Variants in THBS1 observed in about 807,000 individuals in gnomAD.
The protein encoded by THBS1 is thrombospondin 1.
In THBS1, 29 loss-of-function variants were observed where a neutral mutation model predicts 126.1. The ratio of observed to expected loss-of-function variants is 0.23; its 90% CI spans 0.17 to 0.31. The LOEUF is 0.31. Ranked by LOEUF, THBS1 falls within the 10% of genes least tolerant of loss-of-function variation. THBS1 has a pLI of 1.00. For synonymous variants in THBS1, 496 were observed against 577.8 expected (o/e 0.86, Z 2.03); for missense variants, 1,198 against 1,545.2 (o/e 0.78, Z 3.77).
rs769879406 is a variant in THBS1, at chr15:39,582,717, C to T, written c.592C>T (p.Arg198Cys). The T allele has an allele frequency of 4.3e-5, 69 of 1,612,840 alleles. No individual in the cohort carries two copies. Among genetic ancestry groups the T allele is most frequent in the Middle Eastern group, 1.6e-4 (1 of 6,078 alleles). The change falls in exon 3 of 22, where the codon CGC becomes TGC. Residue 198 changes from arginine to cysteine, a missense_variant. Physicochemically the swap from Arg to Cys is radical, Grantham distance 180. Coordinates refer to ENST00000260356, the MANE Select transcript of THBS1 (RefSeq NM_003246.4). ...TRDLASIARL[R>C]IAKGGVNDNF... ...AGACCTGGCCAGCATCGCCAGACTC[C>T]GCATCGCAAAGGGGGGCGTCAATGA...
At position 39,593,449 on chromosome 15, in the gene THBS1, C is replaced by T. The variant is rs766425737; in HGVS notation, c.3048C>T (p.Thr1016=). ...VDFSGTFFIN[T]ERDDDYAGFV... is the part of the protein sequence containing the mutation. The stretch of plus-strand genomic sequence containing the variant: ...TCAGTGGCACCTTCTTCATCAACAC[C>T]GAAAGGGACGATGACTATGCTGGAT... Residue 1016 remains threonine (T), a synonymous_variant, in exon 19 of 22, where the codon ACC becomes ACT. Transcript: ENST00000260356. The surrounding 1 kb of genome is among the most constrained non-coding windows in gnomAD (Gnocchi z 5.9). The T allele has an allele frequency of 9.3e-6, 15 of 1,613,978 alleles. No individual in the cohort carries two copies. Among genetic ancestry groups the T allele is most frequent in the African/African-American group, 8.0e-5 (6 of 74,890 alleles).
At chr15:39,581,633 C>T (rs1325166555) in intron 1 of THBS1, 196 bp from the exon 2 acceptor site, 4 of 451,610 alleles carry the variant, frequency 8.9e-6, no homozygotes, top group South Asian at 3.7e-5. Context: ...GCATCTCTTT[C>T]CTCCACCTCT....
rs569168846 is a variant in THBS1, at chr15:39,590,868, A to G, written c.2253+245A>G. Reference sequence around the variant, plus strand: ...CTGTACTTGAGAAATTATAATGCATAAACAAATGCCACTTTGTTCCCTAGA... The same window carrying G: ...CTGTACTTGAGAAATTATAATGCATGAACAAATGCCACTTTGTTCCCTAGA... On this transcript the variant is annotated intron_variant, in intron 14 of 21. Coordinates refer to ENST00000260356, the MANE Select transcript of THBS1 (RefSeq NM_003246.4). The G allele has an allele frequency of 8.1e-5, 44 of 542,102 alleles. No individual in the cohort carries two copies. The East Asian group carries it at 1.4e-3, about 18-fold the overall frequency. 33.6% of individuals were successfully genotyped at this position (542,102 alleles called of 1,614,324 possible).
Position 39,582,308 on chromosome 15 carries a change from C to G in THBS1, c.183C>G (p.Ile61Met). The G allele has an allele frequency of 6.2e-7, 1 of 1,614,236 alleles. No homozygotes were observed. The highest frequency in any genetic ancestry group is 8.5e-7 in the Non-Finnish European group (1 of 1,180,038). ...ACCCTTCCAGCCCAGCTTTCCGCAT[C>G]GAGGATGCCAACCTGATCCCCCCTG... Reference protein sequence around the residue: ...GPDPSSPAFRIEDANLIPPVP... With the variant: ...GPDPSSPAFRMEDANLIPPVP... Residue 61 changes from isoleucine to methionine, a missense_variant, in exon 3 of 22, where the codon ATC (isoleucine) becomes ATG (methionine). Ile to Met is a conservative substitution (Grantham distance 10). Transcript: ENST00000260356.
rs1890496410 is a variant in THBS1 at position 39,597,510 on chromosome 15, C to CA, written c.*2142dup. The stretch of plus-strand genomic sequence containing the variant: ...TATTTGTTCTCTACTGGCTTTATGT[C>CA]ATGAAGTATATGCGTAAATACCATT... On this transcript the variant is annotated 3_prime_UTR_variant, in exon 22 of 22. Transcript: ENST00000260356. 1 of 151,888 alleles carries CA rather than the reference C, an allele frequency of 6.6e-6. No homozygotes were observed. The highest frequency in any genetic ancestry group is 2.1e-4 in the South Asian group (1 of 4,820). 9.4% of individuals were successfully genotyped at this position (151,888 alleles called of 1,614,324 possible). A position where few individuals can be genotyped will look rare whatever the true frequency, so the allele number is the denominator to read the frequency against.
In THBS1 at chr15:39,582,174, G is replaced by C; in HGVS notation, c.68-19G>C. 6.4e-7 allele frequency: 1 copy of C among 1,570,312 alleles called. No individual in the cohort carries two copies. Among genetic ancestry groups the C allele is most frequent in the East Asian group, 2.2e-5 (1 of 44,510 alleles). ...TCCCAGCCTAGAAAGCTCACTTTGT[G>C]TTCTCTCCTGTCTAACAGAGTCTGG... is the stretch of plus-strand genomic sequence containing the variant. On this transcript the variant is annotated intron_variant, in intron 2 of 21. Coordinates refer to ENST00000260356, the MANE Select transcript of THBS1 (RefSeq NM_003246.4).
In THBS1 at chr15:39,582,732, G is replaced by A; in HGVS notation, c.607G>A (p.Gly203Ser). 6.2e-7 allele frequency: 1 copy of A among 1,610,738 alleles called. No homozygotes were observed. Among genetic ancestry groups the A allele is most frequent in the Non-Finnish European group, 8.5e-7 (1 of 1,178,752 alleles). ...CGCCAGACTCCGCATCGCAAAGGGG[G>A]GCGTCAATGACAATTTCCAGGTGAG... ...SIARLRIAKG[G>S]VNDNFQGVLQ... The change falls in exon 3 of 22, where the codon GGC becomes AGC. Residue 203 changes from glycine (G) to serine (S), a missense_variant. Transcript: ENST00000260356.
chr15:39,595,543 T>G lies in THBS1; in HGVS notation c.*174T>G. 1 of 748,582 alleles carries G rather than the reference T, an allele frequency of 1.3e-6. No homozygotes were observed. Among genetic ancestry groups the G allele is most frequent in the South Asian group, 1.8e-5 (1 of 54,396 alleles). The allele number at this position is 748,582 out of a possible 1,614,324, so 46.4% of individuals were successfully genotyped here. On this transcript the variant is annotated 3_prime_UTR_variant, in exon 22 of 22. Transcript: ENST00000260356. ...GACCTGCCTCAAGAAAATGCAGTTTTCAAAAACAGACTCAGCATTCAGCCT... is the reference window on the plus strand; with the variant it reads ...GACCTGCCTCAAGAAAATGCAGTTTGCAAAAACAGACTCAGCATTCAGCCT...
Position 39,588,167 on chromosome 15 carries a change from T to C in THBS1, c.1420T>C (p.Cys474Arg). 1 of 1,614,136 alleles carries C rather than the reference T, an allele frequency of 6.2e-7. No homozygotes were observed. The highest frequency in any genetic ancestry group is 1.1e-5 in the South Asian group (1 of 91,078). The change falls in exon 9 of 22, where the codon TGT becomes CGT. Residue 474 changes from cysteine to arginine, a missense_variant. Physicochemically the swap from Cys to Arg is radical, Grantham distance 180 (BLOSUM62 -3). Coordinates refer to ENST00000260356, the MANE Select transcript of THBS1 (RefSeq NM_003246.4). Reference protein sequence around the residue: ...SPSPQMNGKPCEGEARETKAC... With the variant: ...SPSPQMNGKPREGEARETKAC... ...CAGCCCCCAGATGAACGGGAAACCCTGTGAAGGCGAAGCGCGGGAGACCAA... is the reference window on the plus strand; with the variant it reads ...CAGCCCCCAGATGAACGGGAAACCCCGTGAAGGCGAAGCGCGGGAGACCAA...
Position 39,595,914 on chromosome 15 carries a change from G to A in THBS1, c.*545G>A, listed in dbSNP as rs1242994325. The A allele has an allele frequency of 2.2e-6, 1 of 452,538 alleles. No homozygotes were observed. The highest frequency in any genetic ancestry group is 2.4e-5 in the Admixed American group (1 of 42,484). The allele number at this position is 452,538 out of a possible 1,614,324, so 28.0% of individuals were successfully genotyped here. On this transcript the variant is annotated 3_prime_UTR_variant, in exon 22 of 22. Transcript: ENST00000260356. Reference sequence around the variant, plus strand: ...GTTCGGTACTAAGTCATTTTCAGGGGATTGAAAGACTATTGCTGGATTTCA... The same window carrying A: ...GTTCGGTACTAAGTCATTTTCAGGGAATTGAAAGACTATTGCTGGATTTCA...
chr15:39,594,206 T>C lies in THBS1; in HGVS notation c.3365+10T>C. 6.2e-7 allele frequency: 1 copy of C among 1,614,172 alleles called. No individual in the cohort carries two copies. The highest frequency in any genetic ancestry group is 1.3e-5 in the African/African-American group (1 of 75,062). On this transcript the variant is annotated intron_variant, in intron 20 of 21. Transcript: ENST00000260356. This position sits in a 1 kb window ranked among gnomAD's most constrained non-coding sequence, Gnocchi z 4.4. ...AGACGGGTTTCATTAGGTACGATCA[T>C]ACTGATTCACTTTCACTTACAGTCA...
In THBS1 at chr15:39,589,243, G is replaced by A. The variant is rs1044338565; in HGVS notation, c.1815G>A (p.Glu605=). 5 of 1,614,152 alleles carry A rather than the reference G, an allele frequency of 3.1e-6. No individual in the cohort carries two copies. Among genetic ancestry groups the A allele is most frequent in the Non-Finnish European group, 4.2e-6 (5 of 1,180,038 alleles). Residue 605 remains glutamate (E), a synonymous_variant, in exon 12 of 22, where the codon GAG becomes GAA. Coordinates refer to ENST00000260356, the MANE Select transcript of THBS1 (RefSeq NM_003246.4). The surrounding 1 kb of genome is among the most constrained non-coding windows in gnomAD (Gnocchi z 4.7). ...ATGCCTGCTTCAACCACAATGGAGA[G>A]CACCGGTGTGAGAACACGGACCCCG... ...VPDACFNHNG[E]HRCENTDPGY...
chr15:39,590,109 T>A, intron 13 of THBS1, 86 bp downstream of exon 13: 1 of 1,209,858 alleles, frequency 8.3e-7, no homozygotes, highest in Non-Finnish European at 1.1e-6. Flanking sequence ...ATACTTAAAG[T>A]TTGGACATGA....
intron 14 of THBS1, 171 bp from the exon 15 acceptor site, chr15:39,591,020 G>T: frequency 1.4e-6 from 1 of 710,286 alleles, no homozygotes; most frequent in Non-Finnish European, 2.2e-6. Context: ...TTTTAACTAT[G>T]TCCTTTTAAC....
chr15:39,590,720 T>C (rs900794092), intron 14 of THBS1, 97 bp downstream of exon 14: 1 of 893,762 alleles, frequency 1.1e-6, no homozygotes, highest in African/African-American at 1.7e-5. Flanking sequence ...TAGCAAAAAA[T>C]ATACCAAATC....
In THBS1 at chr15:39,581,667, T is replaced by TCTCTCTCTCTCTCTCTCTCTCTCTCC. The variant is rs1566837906; in HGVS notation, c.-29-161_-29-160insTCTCTCTCTCTCTCTCTCTCTCTCCC. ...CTCTCTCTCTCTCTCTCTCTCTCTC[T>TCTCTCTCTCTCTCTCTCTCTCTCTCC]CATGCTCTCTGGAAAGTAATCCTGT... On this transcript the variant is annotated intron_variant, in intron 1 of 21. Coordinates refer to ENST00000260356, the MANE Select transcript of THBS1 (RefSeq NM_003246.4). The TCTCTCTCTCTCTCTCTCTCTCTCTCC allele has an allele frequency of 2.3e-5, 12 of 521,370 alleles. No individual in the cohort carries two copies. The African/African-American group carries it at 2.3e-4, about 10-fold the overall frequency. The allele number at this position is 521,370 out of a possible 1,614,324, so 32.3% of individuals were successfully genotyped here.
At chr15:39,584,247 T>A in intron 5 of THBS1, 53 bp from the exon 6 acceptor site, 1 of 1,614,158 alleles carries the variant, frequency 6.2e-7, no homozygotes, top group African/African-American at 1.3e-5. Flanking sequence ...TCGCAGATGG[T>A]CCCAAATGAC....
rs547271459 is a variant in THBS1 at position 39,582,215 on chromosome 15, G to T, written c.90G>T (p.Val30=). Reference sequence around the variant, plus strand: ...CAGAGTCTGGCGGAGACAACAGCGTGTTTGACATCTTTGAACTCACCGGGG... The same window carrying T: ...CAGAGTCTGGCGGAGACAACAGCGTTTTTGACATCTTTGAACTCACCGGGG... ...RIPESGGDNS[V]FDIFELTGAA... The change falls in exon 3 of 22, where the codon GTG becomes GTT. Residue 30 remains valine, a synonymous_variant. Transcript: ENST00000260356. 5.6e-6 allele frequency: 9 copies of T among 1,608,808 alleles called. No homozygotes were observed. In the East Asian group the frequency reaches 2.0e-4, roughly 36 times the overall value.
At chr15:39,588,409 C>A in intron 9 of THBS1, 117 bp from the exon 10 acceptor site, 2 of 1,344,884 alleles carry the variant, frequency 1.5e-6, no homozygotes, top group Non-Finnish European at 2.0e-6. Context: ...TCTTCCCCAG[C>A]ATTCTTTCCA....
Sources: gnomAD v4.1 joint callset for allele counts on GRCh38, gnomAD v4.1.1 for gene constraint, Gnocchi (gnomAD v3.1) non-coding constraint, MANE v1.5 for transcripts, NCBI Gene and HGNC (gene_info 2026-07-23, HGNC 2026-07-21) for gene names.